The following PDE12 variants were observed in gnomAD, a reference collection of about 807,000 sequenced individuals.
PDE12 encodes phosphodiesterase 12.
In PDE12, 26 loss-of-function variants were observed where a neutral mutation model predicts 45.4. The ratio of observed to expected loss-of-function variants is 0.57; its 90% CI spans 0.42 to 0.79. The LOEUF (loss-of-function observed/expected upper bound fraction) is 0.79, where lower values mean the gene tolerates loss of function less well. Ranked by LOEUF, PDE12 falls within the 30% of genes least tolerant of loss-of-function variation. The pLI, the probability that PDE12 is intolerant of heterozygous loss-of-function variation, is 0.00. For missense variants in PDE12, 668 were observed against 790.0 expected (o/e 0.85, Z 1.85); for synonymous variants, 283 against 323.9 (o/e 0.87, Z 1.36).
At chr3:57,590,845 A>G in the PDE12 span, among the ~76,000 whole-genome samples, 2 of 152,118 alleles carry the variant, frequency 1.3e-5, no homozygotes, top group Admixed American at 6.6e-5. Context: ...TGCCCAGCTA[A>G]TTTTTAAAAT....
the PDE12 span, among the ~76,000 whole-genome samples, chr3:57,585,549 G>A: frequency 6.6e-6 from 1 of 152,130 alleles, no homozygotes; most frequent in East Asian, 1.9e-4. Context: ...ACACCAACAT[G>A]GCACATGTAT....
chr3:57,626,222 T>A, the PDE12 span: 1 of 152,610 alleles, frequency 6.6e-6, no homozygotes, highest in Non-Finnish European at 1.5e-5. Context: ...CACATTTGGG[T>A]ATTAGACCAC....
At chr3:57,630,515 A>C in the PDE12 span, 1 of 1,587,720 alleles carries the variant, frequency 6.3e-7, no homozygotes, top group African/African-American at 1.4e-5. Flanking sequence ...TGGAGACTTT[A>C]GGAAATGCCT....
the PDE12 span, among the ~76,000 whole-genome samples, chr3:57,618,622 T>TG: frequency 7.3e-6 from 1 of 136,322 alleles, no homozygotes; most frequent in East Asian, 2.6e-4. Flanking sequence ...TTTTTTTTTT[T>TG]TTTTTGAGAT....
chr3:57,589,517 C>T, the PDE12 span, among the ~76,000 whole-genome samples: 1 of 151,200 alleles, frequency 6.6e-6, no homozygotes, highest in Non-Finnish European at 1.5e-5. Context: ...CAGCAGTTCG[C>T]GACCAGCCTG....
rs374688034 is a variant in PDE12, at chr3:57,557,383, T to C, written c.1004T>C (p.Ile335Thr). 9.9e-6 allele frequency: 16 copies of C among 1,613,868 alleles called. No individual in the cohort carries two copies. The highest frequency in any genetic ancestry group is 1.4e-5 in the Non-Finnish European group (16 of 1,180,012). ...ALELDYRQNL[I>T]QKELTGYNAD... The stretch of plus-strand genomic sequence containing the variant: ...GAGCTCGACTACCGCCAGAACCTTA[T>C]CCAGAAGGAACTCACCGGCTACAAC... Residue 335 changes from isoleucine (I) to threonine (T), a missense_variant, in exon 1 of 3, where the codon ATC becomes ACC. Coordinates refer to ENST00000311180, the MANE Select transcript of PDE12 (RefSeq NM_177966.7).
chr3:57,648,381 C>T, the PDE12 span, among the ~76,000 whole-genome samples: 6 of 152,130 alleles, frequency 3.9e-5, no homozygotes, highest in Admixed American at 1.3e-4. Context: ...ACATCCTATG[C>T]TCATGGATGG....
chr3:57,587,649 C>CT, the PDE12 span, among the ~76,000 whole-genome samples: 48 of 152,086 alleles, frequency 3.2e-4, no homozygotes, highest in African/African-American at 1.0e-3. Flanking sequence ...AAGACGACTG[C>CT]TTGAGGGCTT....
the PDE12 span, among the ~76,000 whole-genome samples, chr3:57,590,493 G>C: frequency 6.6e-6 from 1 of 151,846 alleles, no homozygotes; most frequent in South Asian, 2.1e-4. Context: ...CTCAAAAAAA[G>C]AAAAAAGTTA....
chr3:57,598,698 G>C, the PDE12 span, among the ~76,000 whole-genome samples: 4 of 152,054 alleles, frequency 2.6e-5, no homozygotes, highest in Non-Finnish European at 5.9e-5. Flanking sequence ...GAAGAATGGC[G>C]TGAACCCGGG....
chr3:57,628,916 T>A, the PDE12 span: 3 of 1,584,788 alleles, frequency 1.9e-6, no homozygotes, highest in South Asian at 3.4e-5. Context: ...AATCAGTAAG[T>A]TCTCAAAATA....
chr3:57,558,488 CTATTAT>C (rs10662542), intron 1 of PDE12, among the ~76,000 whole-genome samples: 13 of 151,268 alleles, frequency 8.6e-5, no homozygotes, highest in African/African-American at 2.7e-4. Context: ...ATATATTGGA[CTATTAT>C]TATTATTATT....
At chr3:57,619,348 AAAAACAAAACAAAAC>A in the PDE12 span, 1 of 153,462 alleles carries the variant, frequency 6.5e-6, no homozygotes, top group Admixed American at 6.5e-5. Context: ...ACTCCATCTC[AAAAACAAAACAAAAC>A]AAAACAAAAC....
At chr3:57,648,871 A>G in the PDE12 span, among the ~76,000 whole-genome samples, 1 of 152,210 alleles carries the variant, frequency 6.6e-6, no homozygotes, top group Non-Finnish European at 1.5e-5. Context: ...CAAACTCAAG[A>G]TTAATCAAAA....
the PDE12 span, chr3:57,633,480 C>A: frequency 1.3e-6 from 1 of 767,168 alleles, no homozygotes; most frequent in Non-Finnish European, 2.1e-6. Context: ...AGAACTTCAC[C>A]TTGAAGTAAT....
chr3:57,646,252 C>G, the PDE12 span: 1 of 1,547,860 alleles, frequency 6.5e-7, no homozygotes, highest in Admixed American at 2.1e-5. Flanking sequence ...GCAAATATCA[C>G]CAACAGGTTA....
In PDE12 at chr3:57,564,488, C is replaced by T. The variant is rs2069759777; in HGVS notation, c.*4484C>T. 6.6e-6 allele frequency: 1 copy of T among 151,532 alleles called. No individual in the cohort carries two copies. The highest frequency in any genetic ancestry group is 6.6e-5 in the Admixed American group (1 of 15,060). The allele number at this position is 151,532 out of a possible 1,614,324, so 9.4% of individuals were successfully genotyped here. ...ACAGTCCATTTTGCCCAGTAATTCA[C>T]TTTAATGATGTTATCATGAAGTATT... On this transcript the variant is annotated 3_prime_UTR_variant, in exon 3 of 3. Coordinates refer to ENST00000311180, the MANE Select transcript of PDE12 (RefSeq NM_177966.7).
chr3:57,613,067 ACCT>A, the PDE12 span, among the ~76,000 whole-genome samples: 3 of 147,234 alleles, frequency 2.0e-5, no homozygotes, highest in African/African-American at 7.5e-5. Context: ...TGCAGCCTCC[ACCT>A]CCCGGGTTCA....
the PDE12 span, among the ~76,000 whole-genome samples, chr3:57,587,438 C>A: frequency 2.0e-5 from 3 of 151,126 alleles, no homozygotes; most frequent in African/African-American, 7.3e-5. Context: ...TGTAGGTAAT[C>A]CAAGTTTTCT....
Sources: allele counts gnomAD v4.1 joint callset (sites outside exome capture counted in the v4.1 genomes callset), GRCh38; gene constraint gnomAD v4.1.1; transcripts MANE v1.5; gene names NCBI Gene and HGNC (gene_info 2026-07-23, HGNC 2026-07-21).